The following ETFA variants were observed in gnomAD, a reference collection of about 807,000 sequenced individuals.
ETFA encodes the protein electron transfer flavoprotein subunit alpha, also known as electron transfer flavoprotein subunit alpha, mitochondrial.
ETFA carries 22 observed loss-of-function variants against 46.2 expected under a neutral mutation model. That is an observed-to-expected ratio of 0.48 (90% CI 0.34 to 0.68). ETFA has a LOEUF of 0.68. Ranked by LOEUF, ETFA falls within the 30% of genes least tolerant of loss-of-function variation. The probability of loss-of-function intolerance (pLI) is 0.01; values close to 1 mark genes in which losing one functional copy is unlikely to be tolerated. For missense variants in ETFA, 345 were observed against 401.1 expected (o/e 0.86, Z 1.19); for synonymous variants, 131 against 139.9 (o/e 0.94, Z 0.45).
intron 11 of ETFA, among the ~76,000 whole-genome samples, chr15:76,222,819 T>G (rs537864104): frequency 7.2e-6 from 1 of 139,366 alleles, no homozygotes; most frequent in East Asian, 2.0e-4. Flanking sequence ...TAATCTTTAG[T>G]TTTTTTCCCC....
At chr15:76,275,810 C>A (rs1270973445) in intron 8 of ETFA, among the ~76,000 whole-genome samples, 1 of 152,164 alleles carries the variant, frequency 6.6e-6, no homozygotes, top group Non-Finnish European at 1.5e-5. Flanking sequence ...TAATCCAAGT[C>A]CACTTTCAAA....
chr15:76,283,320 T>A (rs890785361), intron 8 of ETFA, among the ~76,000 whole-genome samples: 1 of 152,112 alleles, frequency 6.6e-6, no homozygotes. Flanking sequence ...GCCTCCTGAG[T>A]ACCTGGGACT....
Position 76,252,897 on chromosome 15 carries a change from CTTT to C in ETFA, c.817-21502_817-21500del, listed in dbSNP as rs11303378. ...TGTATACACACACACACACAGAGTA[CTTT>C]TTTTTTTTTTTTTTTTTAAAGAGAT... On this transcript the variant is annotated intron_variant, in intron 9 of 11. Transcript: ENST00000557943. Among the ~76,000 whole-genome samples the C allele has an allele frequency of 2.4e-3, 315 of 129,890 alleles. 1 individual carries two copies. Among genetic ancestry groups the C allele is most frequent in the African/African-American group, 8.0e-3 (279 of 34,740 alleles). 85.2% of individuals were successfully genotyped at this position (129,890 alleles called of 152,430 possible). A position where few individuals can be genotyped will look rare whatever the true frequency, so the allele number is the denominator to read the frequency against.
intron 8 of ETFA, among the ~76,000 whole-genome samples, chr15:76,277,098 A>G (rs545121926): frequency 1.3e-4 from 20 of 152,306 alleles, no homozygotes; most frequent in African/African-American, 4.6e-4. Context: ...CTACAGTCCT[A>G]TGGTGACGTC....
chr15:76,231,449 T>A, intron 9 of ETFA, 51 bp from the exon 10 acceptor site: 1 of 1,176,230 alleles, frequency 8.5e-7, no homozygotes, highest in Non-Finnish European at 1.2e-6. Flanking sequence ...TATATAATAC[T>A]TTCCAAAGTG....
chr15:76,220,344 G>A (rs1038960381), intron 11 of ETFA, among the ~76,000 whole-genome samples: 1 of 152,264 alleles, frequency 6.6e-6, no homozygotes, highest in Non-Finnish European at 1.5e-5. Flanking sequence ...GGGATTACAG[G>A]TGTGAGTCAC....
At chr15:76,225,280 G>T (rs1261757673) in intron 11 of ETFA, among the ~76,000 whole-genome samples, 2 of 151,686 alleles carry the variant, frequency 1.3e-5, no homozygotes, top group African/African-American at 4.8e-5. Flanking sequence ...AACCATGTGG[G>T]TTTTTTTTGT....
In ETFA at chr15:76,261,168, G is replaced by A. The variant is rs144778057; in HGVS notation, c.816+13244C>T. Reference sequence around the variant, plus strand: ...CAAATGGAGAGGGAGCAGGTCCCCCGATCTTCGTAGTTCCTCTCCACCAGA... The same window carrying A: ...CAAATGGAGAGGGAGCAGGTCCCCCAATCTTCGTAGTTCCTCTCCACCAGA... On this transcript the variant is annotated intron_variant, in intron 9 of 11. Transcript: ENST00000557943. The A allele has an allele frequency of 6.8e-4, 1,038 of 1,531,344 alleles. 3 individuals carry two copies. The African/African-American group carries it at 0.012, about 18-fold the overall frequency. The allele number at this position is 1,531,344 out of a possible 1,614,324, so 94.9% of individuals were successfully genotyped here.
intron 9 of ETFA, among the ~76,000 whole-genome samples, chr15:76,273,254 A>G (rs1414161817): frequency 6.6e-6 from 1 of 152,158 alleles, no homozygotes; most frequent in Admixed American, 6.5e-5. Flanking sequence ...GACTTGAACA[A>G]ATACTTCGAA....
At chr15:76,264,981 T>C (rs752148134) in intron 9 of ETFA, among the ~76,000 whole-genome samples, 2 of 152,222 alleles carry the variant, frequency 1.3e-5, no homozygotes, top group Non-Finnish European at 1.5e-5. Flanking sequence ...GGACAACCTC[T>C]TTCAGGAAAT....
intron 9 of ETFA, chr15:76,259,381 G>T: frequency 7.1e-7 from 1 of 1,414,100 alleles, no homozygotes; most frequent in Non-Finnish European, 1.0e-6. Context: ...TCATACAAAA[G>T]GTCGTCTGAA....
chr15:76,258,484 AC>A (rs1035870936), intron 9 of ETFA, among the ~76,000 whole-genome samples: 2 of 152,004 alleles, frequency 1.3e-5, no homozygotes, highest in African/African-American at 2.4e-5. Context: ...CCCCTTACCA[AC>A]CCTTACCTAA....
intron 4 of ETFA, among the ~76,000 whole-genome samples, chr15:76,291,725 T>C (rs1469656603): frequency 3.0e-5 from 4 of 133,218 alleles, no homozygotes; most frequent in African/African-American, 1.0e-4. Context: ...CACTCCAACC[T>C]GGGCGACAGT....
intron 9 of ETFA, among the ~76,000 whole-genome samples, chr15:76,265,208 G>A (rs1301901791): frequency 6.6e-6 from 1 of 152,162 alleles, no homozygotes; most frequent in African/African-American, 2.4e-5. Context: ...CTATTACTTG[G>A]AAGTTCTAGT....
chr15:76,234,984 A>G (rs2039109269), intron 9 of ETFA, among the ~76,000 whole-genome samples: 4 of 152,286 alleles, frequency 2.6e-5, no homozygotes, highest in Middle Eastern at 6.8e-3. Context: ...GATGCGGTTT[A>G]ACAGGTTTAC....
intron 8 of ETFA, among the ~76,000 whole-genome samples, chr15:76,276,615 G>T (rs1000898971): frequency 6.6e-6 from 1 of 151,792 alleles, no homozygotes; most frequent in Non-Finnish European, 1.5e-5. Context: ...TTACAGTTCA[G>T]GTTTTTTTGT....
intron 9 of ETFA, among the ~76,000 whole-genome samples, chr15:76,248,533 A>C (rs2039265346): frequency 6.6e-6 from 1 of 152,244 alleles, no homozygotes; most frequent in Non-Finnish European, 1.5e-5. Context: ...GAAAAAAATA[A>C]GTTGAACCAC....
At chr15:76,290,707 T>TA (rs1456108198) in intron 4 of ETFA, among the ~76,000 whole-genome samples, 1 of 151,976 alleles carries the variant, frequency 6.6e-6, no homozygotes, top group African/African-American at 2.4e-5. Flanking sequence ...ATTTTAGAAG[T>TA]AAAAAATATA....
intron 9 of ETFA, among the ~76,000 whole-genome samples, chr15:76,273,553 C>CAAACA (rs144721416): frequency 0.23 from 34,102 of 149,884 alleles, 4,722 homozygotes; most frequent in East Asian, 0.56. Flanking sequence ...AGACTCATCT[C>CAAACA]AAACAAAACA....
Sources: allele counts gnomAD v4.1 joint callset (sites outside exome capture counted in the v4.1 genomes callset), GRCh38; gene constraint gnomAD v4.1.1; transcripts MANE v1.5; gene names NCBI Gene and HGNC (gene_info 2026-07-23, HGNC 2026-07-21).